HS6ST2: variants seen among roughly 807,000 people sequenced by gnomAD.
HS6ST2 encodes the protein heparan-sulfate 6-O-sulfotransferase 2.
A neutral mutation model predicts 33.0 loss-of-function variants in HS6ST2; 17 were observed. That is an observed-to-expected ratio of 0.52 (90% CI 0.35 to 0.77). HS6ST2 has a LOEUF of 0.77. Among genes scored for constraint, HS6ST2 ranks in the 30% least tolerant of loss-of-function variants. The pLI is 0.01. For missense variants in HS6ST2, 519 were observed against 551.7 expected (o/e 0.94, Z 0.59); for synonymous variants, 248 against 237.1 (o/e 1.05, Z -0.42).
chrX:132,819,116 T>C (rs772472476), intron 2 of HS6ST2, among the ~76,000 whole-genome samples: 50 of 110,955 alleles, frequency 4.5e-4, no homozygotes, highest in Non-Finnish European at 4.5e-4. Flanking sequence ...AATGCCCCCA[T>C]TGTCCCCACA....
At chrX:132,724,694 C>T (rs187309862) in intron 2 of HS6ST2, among the ~76,000 whole-genome samples, 1 of 111,649 alleles carries the variant, frequency 9.0e-6, no homozygotes, top group Admixed American at 9.5e-5. Flanking sequence ...CCCAGAATAG[C>T]CAAAACTATC....
chrX:132,795,839 G>T (rs192448945), intron 2 of HS6ST2, among the ~76,000 whole-genome samples: 2 of 111,462 alleles, frequency 1.8e-5, no homozygotes, highest in East Asian at 5.7e-4. Context: ...AAACTCCAGG[G>T]CTCAAGCAAT....
Position 132,901,950 on chromosome X carries a change from G to A in HS6ST2, c.947+54858C>T, listed in dbSNP as rs2066429559. Among the ~76,000 whole-genome samples, 3 of 110,921 alleles carry A rather than the reference G, an allele frequency of 2.7e-5. No individual in the cohort carries two copies. The South Asian group carries it at 1.2e-3, about 43-fold the overall frequency. ...AAAGAAGAGAGGGTGGTACAAAGGG[G>A]TATGGACCATAAGATTTAATGTTGT... On this transcript the variant is annotated intron_variant, in intron 2 of 4. Transcript: ENST00000370833.
intron 2 of HS6ST2, among the ~76,000 whole-genome samples, chrX:132,724,975 A>C (rs758881669): frequency 1.8e-5 from 2 of 112,009 alleles, no homozygotes; most frequent in Admixed American, 1.9e-4. Context: ...CTAGACCCCT[A>C]TTTCTTGCCA....
At chrX:132,944,028 GA>G (rs1389419941) in intron 2 of HS6ST2, among the ~76,000 whole-genome samples, 1 of 111,149 alleles carries the variant, frequency 9.0e-6, no homozygotes, top group African/African-American at 3.3e-5. Flanking sequence ...GCAGGAGAAG[GA>G]AATAAAGGGT....
At chrX:132,693,331 C>T (rs887357423) in intron 3 of HS6ST2, among the ~76,000 whole-genome samples, 3 of 111,736 alleles carry the variant, frequency 2.7e-5, no homozygotes, top group Non-Finnish European at 5.6e-5. Context: ...GTGTAGAGGC[C>T]GATGCTGCAG....
chrX:132,930,227 T>A (rs968685875), intron 2 of HS6ST2, among the ~76,000 whole-genome samples: 1 of 111,344 alleles, frequency 9.0e-6, no homozygotes, highest in African/African-American at 3.3e-5. Flanking sequence ...ATTGGCATGA[T>A]CTCGGCTCAC....
intron 2 of HS6ST2, among the ~76,000 whole-genome samples, chrX:132,788,554 C>T (rs2065087658): frequency 8.9e-6 from 1 of 111,870 alleles, no homozygotes; most frequent in African/African-American, 3.3e-5. Flanking sequence ...AAGAAAGAGT[C>T]CCACATCTCT....
chrX:132,866,158 A>G (rs1446461645), intron 2 of HS6ST2, among the ~76,000 whole-genome samples: 1 of 110,994 alleles, frequency 9.0e-6, no homozygotes, highest in Non-Finnish European at 1.9e-5. Flanking sequence ...ATTTTTGTAT[A>G]AGGTGTAAGG....
intron 2 of HS6ST2, among the ~76,000 whole-genome samples, chrX:132,765,414 G>C (rs1043710143): frequency 7.9e-5 from 6 of 75,623 alleles, no homozygotes; most frequent in South Asian, 5.9e-4. Flanking sequence ...CTTTGTGTGT[G>C]TGCATGTGTG....
At chrX:132,859,742 G>A (rs773012034) in intron 2 of HS6ST2, among the ~76,000 whole-genome samples, 9 of 84,777 alleles carry the variant, frequency 1.1e-4, no homozygotes, top group African/African-American at 3.1e-4. Context: ...GGGAGGGAGC[G>A]AGAAAGAAAG....
chrX:132,776,332 A>T (rs1312725862), intron 2 of HS6ST2, among the ~76,000 whole-genome samples: 1 of 112,223 alleles, frequency 8.9e-6, no homozygotes, highest in Non-Finnish European at 1.9e-5. Flanking sequence ...TATTAATGTG[A>T]AGAACAAGAC....
chrX:132,879,311 T>A (rs922670003), intron 2 of HS6ST2, among the ~76,000 whole-genome samples: 1 of 111,644 alleles, frequency 9.0e-6, no homozygotes, highest in African/African-American at 3.3e-5. Flanking sequence ...TGCTCCCCCA[T>A]CACACTCATT....
At chrX:132,840,374 G>A (rs1371363920) in intron 2 of HS6ST2, among the ~76,000 whole-genome samples, 4 of 110,230 alleles carry the variant, frequency 3.6e-5, no homozygotes, top group Non-Finnish European at 5.7e-5. Context: ...TGAGGCAAGC[G>A]TTGGGTTTCC....
At chrX:132,777,042 G>A (rs1458006790) in intron 2 of HS6ST2, among the ~76,000 whole-genome samples, 2 of 105,025 alleles carry the variant, frequency 1.9e-5, no homozygotes, top group Admixed American at 1.1e-4. Flanking sequence ...GAAGGCCGTG[G>A]AAATGTCTAG....
intron 2 of HS6ST2, among the ~76,000 whole-genome samples, chrX:132,798,266 G>C (rs769127936): frequency 1.8e-5 from 2 of 110,574 alleles, no homozygotes; most frequent in Admixed American, 9.7e-5. Context: ...ACTTGAAAGG[G>C]AATGCAGATC....
At chrX:132,737,222 C>G (rs1210073634) in intron 2 of HS6ST2, among the ~76,000 whole-genome samples, 1 of 111,645 alleles carries the variant, frequency 9.0e-6, no homozygotes, top group Non-Finnish European at 1.9e-5. Context: ...CCTGGACAAA[C>G]TGAAGAACAT....
chrX:132,725,181 G>A (rs1433935541), intron 2 of HS6ST2, among the ~76,000 whole-genome samples: 1 of 110,470 alleles, frequency 9.1e-6, no homozygotes, highest in African/African-American at 3.3e-5. Flanking sequence ...CTTCTGCAGA[G>A]CAAAGGATAT....
intron 2 of HS6ST2, among the ~76,000 whole-genome samples, chrX:132,763,726 C>T (rs1385549337): frequency 8.9e-6 from 1 of 112,302 alleles, no homozygotes; most frequent in Non-Finnish European, 1.9e-5. Context: ...TAGCTAATGG[C>T]TCAGCCCACA....
Sources: allele counts gnomAD v4.1 joint callset (sites outside exome capture counted in the v4.1 genomes callset), GRCh38; gene constraint gnomAD v4.1.1; transcripts MANE v1.5; gene names NCBI Gene and HGNC (gene_info 2026-07-23, HGNC 2026-07-21).